FOXJ3: variants seen among roughly 807,000 people sequenced by gnomAD.
FOXJ3 encodes forkhead box protein J3.
FOXJ3 carries 22 observed loss-of-function variants against 76.1 expected under a neutral mutation model. The ratio of observed to expected loss-of-function variants is 0.29; its 90% CI spans 0.21 to 0.41. The LOEUF is 0.41. FOXJ3 is among the 10% of genes least tolerant of loss of function. FOXJ3 has a pLI of 1.00. For synonymous variants in FOXJ3, 269 were observed against 261.2 expected, an observed-to-expected ratio of 1.03 and a Z score of -0.29; for missense variants, 613 against 762.1, an observed-to-expected ratio of 0.80 and a Z score of 2.30.
At chr1:42,247,699 T>C (rs2124550684) in intron 4 of FOXJ3, among the ~76,000 whole-genome samples, 1 of 152,336 alleles carries the variant, frequency 6.6e-6, no homozygotes, top group South Asian at 2.1e-4. Context: ...ACGGTAAAGC[T>C]GGCTGTTCCT....
Position 42,189,325 on chromosome 1 carries a change from A to C in FOXJ3, c.1431T>G (p.Asp477Glu), listed in dbSNP as rs577282489. 1.2e-6 allele frequency: 2 copies of C among 1,612,506 alleles called. No individual in the cohort carries two copies. Among genetic ancestry groups the C allele is most frequent in the Non-Finnish European group, 1.7e-6 (2 of 1,178,642 alleles). Residue 477 changes from aspartate to glutamate, a missense_variant, in exon 10 of 13, where the codon GAT becomes GAG. This residue lies in a region of FOXJ3 where 526 missense variants were observed against 601.4 expected (regional missense o/e 0.87). Transcript: ENST00000361346. ...CRIASSVNWS[D>E]VDLSQFQGLM... ...CACCTTGAAACTGTGAAAGGTCTAC[A>C]TCTGACCAATTAACACTGCTGGCAA...
intron 5 of FOXJ3, among the ~76,000 whole-genome samples, chr1:42,223,313 T>C (rs1647299161): frequency 6.6e-6 from 1 of 152,202 alleles, no homozygotes; most frequent in African/African-American, 2.4e-5. Context: ...GAAGACTATG[T>C]ACCTTAACTG....
chr1:42,247,840 TACAA>T (rs909354358), intron 4 of FOXJ3, among the ~76,000 whole-genome samples: 12 of 152,190 alleles, frequency 7.9e-5, no homozygotes, highest in Admixed American at 3.3e-4. Context: ...TGTTTCAAAG[TACAA>T]ACAATCTAAA....
chr1:42,286,889 C>A (rs1653092187), intron 2 of FOXJ3, among the ~76,000 whole-genome samples: 1 of 152,098 alleles, frequency 6.6e-6, no homozygotes, highest in East Asian at 1.9e-4. Flanking sequence ...CTGCTTCGGC[C>A]TCCCAAAGTG....
intron 11 of FOXJ3, among the ~76,000 whole-genome samples, chr1:42,184,920 C>T (rs1646404046): frequency 6.6e-6 from 1 of 151,942 alleles, no homozygotes; most frequent in Admixed American, 6.6e-5. Flanking sequence ...TCAAAGAACA[C>T]CAGGGAGACC....
chr1:42,191,418 G>A lies in FOXJ3; in HGVS notation c.1236C>T (p.Ser412=). The A allele has an allele frequency of 6.2e-7, 1 of 1,610,342 alleles. No individual in the cohort carries two copies. The highest frequency in any genetic ancestry group is 8.5e-7 in the Non-Finnish European group (1 of 1,176,832). Residue 412 remains serine (S), a synonymous_variant, in exon 9 of 13, where the codon TCC becomes TCT. Transcript: ENST00000361346. The part of the protein sequence containing the change: ...PHPQQHSQLQ[S]PHPQHPSPHQ... ...GTGGAGAGGGATGCTGGGGGTGAGG[G>A]GACTGGAGCTGGCTGTGTTGCTGTG... is the stretch of plus-strand genomic sequence containing the variant.
chr1:42,191,595 A>G lies in FOXJ3; in HGVS notation c.1059T>C (p.His353=). The change falls in exon 9 of 13, where the codon CAT becomes CAC. Residue 353 remains histidine (H), a synonymous_variant. Coordinates refer to ENST00000361346, the MANE Select transcript of FOXJ3 (RefSeq NM_014947.5). ...HSNQSSLSNS[H]GSGLNTTGSN... Reference sequence around the variant, plus strand: ...TGCCTGTGGTGTTGAGGCCACTGCCATGACTGTTGGACAGGCTGCTTTGGT... The same window carrying G: ...TGCCTGTGGTGTTGAGGCCACTGCCGTGACTGTTGGACAGGCTGCTTTGGT... The G allele has an allele frequency of 6.2e-7, 1 of 1,614,120 alleles. No individual in the cohort carries two copies. The highest frequency in any genetic ancestry group is 8.5e-7 in the Non-Finnish European group (1 of 1,180,010).
At chr1:42,258,848 G>A (rs1395919671) in intron 4 of FOXJ3, among the ~76,000 whole-genome samples, 3 of 152,044 alleles carry the variant, frequency 2.0e-5, no homozygotes, top group African/African-American at 2.4e-5. Context: ...ATATCATAAC[G>A]AATTCCCAAG....
At chr1:42,305,677 T>C (rs912392109) in intron 2 of FOXJ3, among the ~76,000 whole-genome samples, 5 of 152,016 alleles carry the variant, frequency 3.3e-5, no homozygotes, top group Non-Finnish European at 2.9e-5. Flanking sequence ...AACTCGGAGA[T>C]AGAGAGTAGA....
At chr1:42,303,717 C>T (rs1468970728) in intron 2 of FOXJ3, among the ~76,000 whole-genome samples, 1 of 152,168 alleles carries the variant, frequency 6.6e-6, no homozygotes, top group Non-Finnish European at 1.5e-5. Flanking sequence ...CAGAAGTGAT[C>T]TCAGGTAGAA....
At chr1:42,328,484 TCAGA>T (rs1038350339) in intron 1 of FOXJ3, among the ~76,000 whole-genome samples, 4 of 152,108 alleles carry the variant, frequency 2.6e-5, no homozygotes, top group African/African-American at 4.8e-5. Flanking sequence ...GAAACAATGG[TCAGA>T]CAGTGTGGTA....
At chr1:42,302,089 T>C (rs1252571405) in intron 2 of FOXJ3, among the ~76,000 whole-genome samples, 2 of 152,168 alleles carry the variant, frequency 1.3e-5, no homozygotes, top group Non-Finnish European at 2.9e-5. Flanking sequence ...TAGACAGCCT[T>C]TGAATGGTAG....
At chr1:42,201,479 T>G (rs1426397307) in intron 6 of FOXJ3, among the ~76,000 whole-genome samples, 2 of 152,216 alleles carry the variant, frequency 1.3e-5, no homozygotes, top group Non-Finnish European at 2.9e-5. Flanking sequence ...ATATTCCGTA[T>G]AAAATGTGGA....
rs1339132476 is a variant in FOXJ3 at position 42,176,646 on chromosome 1, A to G, written c.*3064T>C. ...ACTTGGAATATTTCTTTACAGCACT[A>G]AACAGTTACAAATAATGGTTGCCGT... On this transcript the variant is annotated 3_prime_UTR_variant, in exon 13 of 13. Coordinates refer to ENST00000361346, the MANE Select transcript of FOXJ3 (RefSeq NM_014947.5). The G allele has an allele frequency of 3.3e-5, 5 of 152,660 alleles. No individual in the cohort carries two copies. The highest frequency in any genetic ancestry group is 1.9e-4 in the East Asian group (1 of 5,206). 9.5% of individuals were successfully genotyped at this position (152,660 alleles called of 1,614,324 possible). A position where few individuals can be genotyped will look rare whatever the true frequency, so the allele number is the denominator to read the frequency against.
In FOXJ3 at chr1:42,179,684, G is replaced by A; in HGVS notation, c.*26C>T. On this transcript the variant is annotated 3_prime_UTR_variant, in exon 13 of 13. Transcript: ENST00000361346. Reference sequence around the variant, plus strand: ...TCACTGCACAGAAAGGTAACGTTAGGGTCTGGTGTCTTGCAGAAACAAGCC... The same window carrying A: ...TCACTGCACAGAAAGGTAACGTTAGAGTCTGGTGTCTTGCAGAAACAAGCC... 7.2e-7 allele frequency: 1 copy of A among 1,388,726 alleles called. No individual in the cohort carries two copies. The highest frequency in any genetic ancestry group is 1.2e-5 in the South Asian group (1 of 86,358). The allele number at this position is 1,388,726 out of a possible 1,614,324, so 86.0% of individuals were successfully genotyped here.
intron 1 of FOXJ3, among the ~76,000 whole-genome samples, chr1:42,316,659 G>T (rs1204167696): frequency 6.6e-6 from 1 of 152,124 alleles, no homozygotes; most frequent in African/African-American, 2.4e-5. Flanking sequence ...TCCTTCATAA[G>T]AATGGAAAAA....
At chr1:42,230,122 A>C (rs1557656638) in intron 4 of FOXJ3, among the ~76,000 whole-genome samples, 1 of 152,232 alleles carries the variant, frequency 6.6e-6, no homozygotes, top group Non-Finnish European at 1.5e-5. Flanking sequence ...CTAGGTATTC[A>C]TAAAATCCTG....
At chr1:42,324,211 A>ATATATACACTGTGTATATATAG (rs1188794425) in intron 1 of FOXJ3, among the ~76,000 whole-genome samples, 8 of 140,000 alleles carry the variant, frequency 5.7e-5, no homozygotes, top group African/African-American at 1.6e-4. Context: ...TATATATACT[A>ATATATACACTGTGTATATATAG]TATATATAAA....
intron 3 of FOXJ3, among the ~76,000 whole-genome samples, chr1:42,271,183 A>G (rs1466493906): frequency 6.6e-6 from 1 of 152,118 alleles, no homozygotes; most frequent in Admixed American, 6.5e-5. Flanking sequence ...AAGGTATATA[A>G]GGTATATACC....
Sources: gnomAD v4.1 joint callset for allele counts (sites outside exome capture counted in the v4.1 genomes callset) on GRCh38, gnomAD v4.1.1 for gene constraint, gnomAD v4.1.1 regional missense constraint, MANE v1.5 for transcripts, NCBI Gene and HGNC (gene_info 2026-07-23, HGNC 2026-07-21) for gene names.